Variants in CEP78 observed in about 807,000 individuals in gnomAD.
CEP78 encodes the protein centrosomal protein of 78 kDa.
CEP78 carries 76 observed loss-of-function variants against 81.2 expected under a neutral mutation model. The ratio of observed to expected loss-of-function variants is 0.94; its 90% CI spans 0.78 to 1.13. The LOEUF (loss-of-function observed/expected upper bound fraction) is 1.13. Ranked by LOEUF, CEP78 falls within the 50% of genes most tolerant of loss-of-function variation. CEP78 has a pLI of 0.00. For missense variants in CEP78, 918 were observed against 846.8 expected, an observed-to-expected ratio of 1.08 and a Z score of -1.04; for synonymous variants, 293 against 301.4, an observed-to-expected ratio of 0.97 and a Z score of 0.29.
intron 7 of CEP78, 96 bp downstream of exon 7, chr9:78,248,451 G>C (rs1826601215): frequency 1.3e-6 from 1 of 791,906 alleles, no homozygotes; most frequent in Admixed American, 2.2e-5. Flanking sequence ...AAACTTCTGA[G>C]CTCCAGTGAT....
chr9:78,238,158 A>T (rs986983387), intron 1 of CEP78, among the ~76,000 whole-genome samples: 1 of 151,468 alleles, frequency 6.6e-6, no homozygotes, highest in African/African-American at 2.4e-5. Context: ...AGGATTTCAG[A>T]TATCTAAGAG....
At chr9:78,241,580 G>C in intron 3 of CEP78, 116 bp from the exon 4 acceptor site, 1 of 519,788 alleles carries the variant, frequency 1.9e-6, no homozygotes, top group East Asian at 3.0e-5. Flanking sequence ...TGTAAATAGT[G>C]ATTTTAAGAA....
intron 3 of CEP78, 56 bp downstream of exon 3, chr9:78,240,420 A>C (rs936987120): frequency 7.3e-7 from 1 of 1,376,330 alleles, no homozygotes; most frequent in Non-Finnish European, 1.0e-6. Flanking sequence ...ATGTTTCCCT[A>C]CATGCCATGT....
chr9:78,236,791 A>C, intron 1 of CEP78, 188 bp downstream of exon 1: 1 of 662,042 alleles, frequency 1.5e-6, no homozygotes, highest in Non-Finnish European at 2.3e-6. Context: ...CTTAATAACG[A>C]GACCCAGGTT....
intron 5 of CEP78, among the ~76,000 whole-genome samples, chr9:78,244,628 C>G (rs571455227): frequency 6.6e-6 from 1 of 152,168 alleles, no homozygotes; most frequent in African/African-American, 2.4e-5. Context: ...TTTTTTGATG[C>G]AAATGGGATT....
intron 11 of CEP78, among the ~76,000 whole-genome samples, chr9:78,256,535 T>A (rs867816723): frequency 5.6e-5 from 8 of 141,726 alleles, no homozygotes; most frequent in Admixed American, 2.1e-4. Flanking sequence ...TTTTTTTTTT[T>A]TTTTTTTTTT....
At chr9:78,255,967 T>C (rs1827002221) in intron 11 of CEP78, among the ~76,000 whole-genome samples, 1 of 152,246 alleles carries the variant, frequency 6.6e-6, no homozygotes, top group Admixed American at 6.5e-5. Context: ...TGGGAATTTC[T>C]GATTCAAGAT....
At chr9:78,260,706 C>CAA (rs1204270796) in intron 11 of CEP78, among the ~76,000 whole-genome samples, 630 of 53,002 alleles carry the variant, frequency 0.012, 12 homozygotes, top group African/African-American at 0.037. Flanking sequence ...GACTCCATCT[C>CAA]AAAAAAAAAA....
At chr9:78,251,828 T>C in intron 8 of CEP78, 80 bp from the exon 9 acceptor site, 1 of 1,292,878 alleles carries the variant, frequency 7.7e-7, no homozygotes, top group Non-Finnish European at 1.1e-6. Flanking sequence ...TTGTATTCTT[T>C]TAAGAGTATG....
rs201823928 is a variant in CEP78 at position 78,246,628 on chromosome 9, T to C, written c.779-41T>C. On this transcript the variant is annotated intron_variant, in intron 5 of 16. Transcript: ENST00000643273. ...AAAACAAACAAACAAACAAAAAATC[T>C]GTATAGAATTAGCAAGTGACCCTTT... 6.3e-4 allele frequency: 804 copies of C among 1,282,870 alleles called. 2 individuals are homozygous for C. The African/African-American group carries it at 0.011, about 18-fold the overall frequency. 79.5% of individuals were successfully genotyped at this position (1,282,870 alleles called of 1,614,324 possible). A position where few individuals can be genotyped will look rare whatever the true frequency, so the allele number is the denominator to read the frequency against.
chr9:78,238,125 C>CA (rs1018447867), intron 1 of CEP78, among the ~76,000 whole-genome samples: 3,494 of 95,782 alleles, frequency 0.036, 94 homozygotes, highest in African/African-American at 0.1. Flanking sequence ...AACTCTGTCT[C>CA]AAAAAAAAAA....
At position 78,243,705 on chromosome 9, in the gene CEP78, C is replaced by A. The variant is rs988387716; in HGVS notation, c.778+69C>A. 5.4e-6 allele frequency: 7 copies of A among 1,302,954 alleles called. No individual in the cohort carries two copies. The African/African-American group carries it at 1.0e-4, about 19-fold the overall frequency. 80.7% of individuals were successfully genotyped at this position (1,302,954 alleles called of 1,614,324 possible). A position where few individuals can be genotyped will look rare whatever the true frequency, so the allele number is the denominator to read the frequency against. On this transcript the variant is annotated intron_variant, in intron 5 of 16. Transcript: ENST00000643273. Reference sequence around the variant, plus strand: ...GATATTAAATATGCTTAACTCTTGGCACAGTAATGTTGTCCGAAGGTTTTT... The same window carrying A: ...GATATTAAATATGCTTAACTCTTGGAACAGTAATGTTGTCCGAAGGTTTTT...
At chr9:78,239,124 C>T (rs1826097731) in intron 1 of CEP78, among the ~76,000 whole-genome samples, 1 of 151,814 alleles carries the variant, frequency 6.6e-6, no homozygotes, top group Non-Finnish European at 1.5e-5. Context: ...GTATTACAGA[C>T]CATTCTCGTC....
chr9:78,240,832 G>A (rs1280392852), intron 3 of CEP78, among the ~76,000 whole-genome samples: 1 of 151,944 alleles, frequency 6.6e-6, no homozygotes, highest in Non-Finnish European at 1.5e-5. Context: ...GCATGGTGGC[G>A]GGTGCCTATA....
chr9:78,243,755 G>T (rs1826345185), intron 5 of CEP78, 119 bp downstream of exon 5: 6 of 634,206 alleles, frequency 9.5e-6, no homozygotes, highest in Middle Eastern at 4.3e-4. Flanking sequence ...TTTCTAATAG[G>T]TTTTATTTTG....
chr9:78,265,999 G>A, intron 15 of CEP78, 93 bp downstream of exon 15: 1 of 676,566 alleles, frequency 1.5e-6, no homozygotes, highest in Non-Finnish European at 2.7e-6. Flanking sequence ...GGGAATGGGA[G>A]GGGCAAACCT....
At chr9:78,240,440 T>C (rs1474454979) in intron 3 of CEP78, 76 bp downstream of exon 3, 1 of 1,237,844 alleles carries the variant, frequency 8.1e-7, no homozygotes, top group Non-Finnish European at 1.2e-6. Context: ...TTAATTCCTG[T>C]CTGTACCTTT....
chr9:78,243,995 CAT>C (rs1826360766), intron 5 of CEP78, among the ~76,000 whole-genome samples: 1 of 151,994 alleles, frequency 6.6e-6, no homozygotes, highest in South Asian at 2.1e-4. Flanking sequence ...AATGATGTAT[CAT>C]GTAGTACTCT....
intron 11 of CEP78, among the ~76,000 whole-genome samples, chr9:78,260,620 T>G (rs1827231073): frequency 6.8e-6 from 1 of 148,018 alleles, no homozygotes. Flanking sequence ...AGCAGGAGAA[T>G]GGTGTGAACC....
Sources: allele counts gnomAD v4.1 joint callset (sites outside exome capture counted in the v4.1 genomes callset), GRCh38; gene constraint gnomAD v4.1.1; transcripts MANE v1.5; gene names NCBI Gene and HGNC (gene_info 2026-07-23, HGNC 2026-07-21).